The following CCDC102B variants were observed in gnomAD, a reference collection of about 807,000 sequenced individuals.
CCDC102B encodes the protein coiled-coil domain containing 102B.
Under a neutral mutation model 57.4 loss-of-function variants are expected in CCDC102B, and 75 were observed. That is an observed-to-expected ratio of 1.31 (90% CI 1.08 to 1.58). The LOEUF is 1.58. Ranked by LOEUF, CCDC102B falls within the 40% of genes most tolerant of loss-of-function variation. The probability of loss-of-function intolerance (pLI) is 0.00; values close to 1 mark genes in which losing one functional copy is unlikely to be tolerated. For synonymous variants in CCDC102B, 206 were observed against 201.9 expected, an observed-to-expected ratio of 1.02 and a Z score of -0.17; for missense variants, 636 against 582.6, an observed-to-expected ratio of 1.09 and a Z score of -0.94.
At chr18:68,907,262 A>G (rs949028861) in intron 6 of CCDC102B, among the ~76,000 whole-genome samples, 14 of 151,782 alleles carry the variant, frequency 9.2e-5, no homozygotes, top group African/African-American at 2.9e-4. Context: ...GCTCTTTTTC[A>G]ATTTCATTTT....
intron 6 of CCDC102B, among the ~76,000 whole-genome samples, chr18:69,010,679 CT>C (rs1160265957): frequency 1.3e-5 from 2 of 151,916 alleles, no homozygotes; most frequent in African/African-American, 4.8e-5. Flanking sequence ...ATAAAAACTA[CT>C]TTTGTGTAAG....
At chr18:68,876,442 A>G (rs1164145036) in intron 5 of CCDC102B, among the ~76,000 whole-genome samples, 1 of 152,192 alleles carries the variant, frequency 6.6e-6, no homozygotes, top group Non-Finnish European at 1.5e-5. Context: ...AAGATATTTT[A>G]TTTACTGACA....
intron 5 of CCDC102B, among the ~76,000 whole-genome samples, chr18:68,889,413 A>G (rs1223134469): frequency 1.3e-5 from 2 of 152,046 alleles, no homozygotes; most frequent in Non-Finnish European, 2.9e-5. Context: ...GAAATAAATT[A>G]GTGGTTTTGT....
At chr18:68,801,387 G>T (rs2035846193) in intron 1 of CCDC102B, among the ~76,000 whole-genome samples, 1 of 152,088 alleles carries the variant, frequency 6.6e-6, no homozygotes, top group African/African-American at 2.4e-5. Context: ...TGTAGTCATA[G>T]CTTTGCAAAG....
chr18:68,733,508 T>TATATATATATATATATATATATATATATA (rs1568222920), intron 2 of CCDC102B, among the ~76,000 whole-genome samples: 13 of 90,484 alleles, frequency 1.4e-4, no homozygotes, highest in African/African-American at 1.5e-4. Flanking sequence ...ATATATATAT[T>TATATATATATATATATATATATATATATA]TTTTTAACTT....
chr18:68,799,968 G>A (rs2035787436), intron 1 of CCDC102B, among the ~76,000 whole-genome samples: 2 of 152,050 alleles, frequency 1.3e-5, no homozygotes, highest in African/African-American at 4.8e-5. Flanking sequence ...AAAAGAGGTG[G>A]AGTATCTGTG....
chr18:68,900,304 G>A (rs1237796331), intron 6 of CCDC102B: 1 of 152,100 alleles, frequency 6.6e-6, no homozygotes, highest in Non-Finnish European at 1.5e-5. Flanking sequence ...AAATCCAAGA[G>A]TATGCTTTGA....
chr18:68,733,506 A>ATATATATATATATATATATATTTTTTTT, intron 2 of CCDC102B, among the ~76,000 whole-genome samples: 1 of 87,622 alleles, frequency 1.1e-5, no homozygotes, highest in African/African-American at 5.5e-5. Flanking sequence ...ATATATATAT[A>ATATATATATATATATATATATTTTTTTT]TTTTTTTAAC....
intron 6 of CCDC102B, among the ~76,000 whole-genome samples, chr18:68,990,116 A>T (rs1050169540): frequency 1.4e-4 from 21 of 152,222 alleles, no homozygotes; most frequent in African/African-American, 5.1e-4. Context: ...TTTGCTCCAT[A>T]GGAACAGGTT....
chr18:68,829,461 C>G (rs74516737), intron 1 of CCDC102B, among the ~76,000 whole-genome samples: 1 of 151,910 alleles, frequency 6.6e-6, no homozygotes, highest in African/African-American at 2.4e-5. Context: ...GAAAATAAAA[C>G]TGACTTTAAG....
intron 2 of CCDC102B, among the ~76,000 whole-genome samples, chr18:68,783,110 G>A (rs1014260183): frequency 7.2e-5 from 11 of 152,172 alleles, no homozygotes; most frequent in African/African-American, 2.2e-4. Flanking sequence ...AGGTTGGTAC[G>A]ATTGGTTCGC....
chr18:68,774,138 C>T (rs2034733042), intron 2 of CCDC102B, among the ~76,000 whole-genome samples: 1 of 151,712 alleles, frequency 6.6e-6, no homozygotes, highest in Non-Finnish European at 1.5e-5. Flanking sequence ...TGAAATTGTT[C>T]CTTTTTAATC....
At chr18:68,856,826 T>C (rs1599574885) in intron 4 of CCDC102B, among the ~76,000 whole-genome samples, 1 of 151,274 alleles carries the variant, frequency 6.6e-6, no homozygotes, top group African/African-American at 2.4e-5. Context: ...CTATGATTGA[T>C]TGAAATATTA....
At chr18:68,795,606 C>T (rs888305015), upstream of CCDC102B, among the ~76,000 whole-genome samples, 7 of 152,122 alleles carry the variant, frequency 4.6e-5, no homozygotes, top group African/African-American at 1.7e-4. Flanking sequence ...GTCTCTGTCT[C>T]TCTCACAACA....
upstream of CCDC102B, among the ~76,000 whole-genome samples, chr18:68,796,002 G>A (rs1188795140): frequency 6.6e-6 from 1 of 152,128 alleles, no homozygotes; most frequent in South Asian, 2.1e-4. Context: ...AAAAGTTGTG[G>A]TTTAGAAGCC....
intron 1 of CCDC102B, among the ~76,000 whole-genome samples, chr18:68,819,413 C>G (rs1053642227): frequency 6.6e-6 from 1 of 151,922 alleles, no homozygotes; most frequent in Admixed American, 6.6e-5. Flanking sequence ...TGTTCGGACT[C>G]TTAATTCTCT....
chr18:68,975,964 T>C (rs1489211469), intron 6 of CCDC102B, among the ~76,000 whole-genome samples: 1 of 151,922 alleles, frequency 6.6e-6, no homozygotes, highest in Non-Finnish European at 1.5e-5. Flanking sequence ...ACAGCAATAA[T>C]TGGGGTTTTA....
At chr18:68,898,915 C>A (rs1199205051) in intron 6 of CCDC102B, among the ~76,000 whole-genome samples, 2 of 151,888 alleles carry the variant, frequency 1.3e-5, no homozygotes, top group Non-Finnish European at 2.9e-5. Flanking sequence ...AAAATTGAGA[C>A]CTGTTTGGAG....
intron 7 of CCDC102B, among the ~76,000 whole-genome samples, chr18:69,038,642 C>T (rs2052355309): frequency 6.6e-6 from 1 of 151,948 alleles, no homozygotes; most frequent in African/African-American, 2.4e-5. Flanking sequence ...CTATTTCCTT[C>T]CAACCATGTC....
Sources: gnomAD v4.1 joint callset for allele counts (sites outside exome capture counted in the v4.1 genomes callset) on GRCh38, gnomAD v4.1.1 for gene constraint, MANE v1.5 for transcripts, NCBI Gene and HGNC (gene_info 2026-07-23, HGNC 2026-07-21) for gene names.